The following MAOB variants were observed in gnomAD, a reference collection of about 807,000 sequenced individuals.
MAOB encodes amine oxidase [flavin-containing] B.
A neutral mutation model predicts 41.9 loss-of-function variants in MAOB; 15 were observed. That is an observed-to-expected ratio of 0.36 (90% CI 0.24 to 0.55). The LOEUF (loss-of-function observed/expected upper bound fraction) is 0.55, where lower values mean the gene tolerates loss of function less well. MAOB is among the 20% of genes least tolerant of loss of function. MAOB has a pLI of 0.86. For missense variants in MAOB, 345 were observed against 398.7 expected (o/e 0.87, Z 1.15); for synonymous variants, 167 against 144.2 (o/e 1.16, Z -1.13).
Position 43,808,697 on chromosome X carries a change from T to TAC in MAOB, c.280-5294_280-5293insGT, listed in dbSNP as rs781415914. On this transcript the variant is annotated intron_variant, in intron 3 of 14. Coordinates refer to ENST00000378069, the MANE Select transcript of MAOB (RefSeq NM_000898.5). ...CTATATCTATATCTATATCTACACA[T>TAC]AGACACACACACACACACACACACA... Among the ~76,000 whole-genome samples the TAC allele has an allele frequency of 8.7e-4, 80 of 91,475 alleles. 1 individual carries two copies. Among genetic ancestry groups the TAC allele is most frequent in the Non-Finnish European group, 1.5e-3 (70 of 46,139 alleles). The allele number at this position is 91,475 out of a possible 115,157, so 79.4% of individuals were successfully genotyped here.
intron 12 of MAOB, among the ~76,000 whole-genome samples, chrX:43,774,588 T>C (rs930208431): frequency 1.5e-4 from 17 of 112,134 alleles, no homozygotes; most frequent in African/African-American, 5.5e-4. Flanking sequence ...CTGTTTGGCA[T>C]GACAAAGTTT....
At chrX:43,838,083 CTGTT>C (rs1188210221) in intron 3 of MAOB, 4 of 278,774 alleles carry the variant, frequency 1.4e-5, no homozygotes, top group Admixed American at 7.0e-5. Flanking sequence ...CAGTTCTAAT[CTGTT>C]TGTATTTCTG....
At chrX:43,778,338 A>G (rs2034286205) in intron 11 of MAOB, among the ~76,000 whole-genome samples, 1 of 110,882 alleles carries the variant, frequency 9.0e-6, no homozygotes, top group Non-Finnish European at 1.9e-5. Context: ...AGGATCTAGG[A>G]TCTTCCTATG....
intron 10 of MAOB, among the ~76,000 whole-genome samples, chrX:43,779,186 GAAAT>G (rs1172567789): frequency 9.0e-6 from 1 of 111,682 alleles, no homozygotes; most frequent in African/African-American, 3.3e-5. Flanking sequence ...AAAGAGCAAA[GAAAT>G]AAGTACAGAA....
intron 1 of MAOB, among the ~76,000 whole-genome samples, chrX:43,868,970 G>A (rs1191439079): frequency 3.6e-5 from 4 of 111,037 alleles, no homozygotes; most frequent in African/African-American, 9.9e-5. Context: ...TGATAGCCTC[G>A]TAGCAGACAG....
intron 3 of MAOB, among the ~76,000 whole-genome samples, chrX:43,804,099 TAAG>T (rs940704208): frequency 7.2e-5 from 8 of 111,270 alleles, no homozygotes; most frequent in African/African-American, 2.6e-4. Flanking sequence ...TGATGGCACT[TAAG>T]AGACACGCAA....
At chrX:43,857,167 GA>G (rs1298113298) in intron 1 of MAOB, among the ~76,000 whole-genome samples, 340 of 27,056 alleles carry the variant, frequency 0.013, 2 homozygotes, top group African/African-American at 0.048. Flanking sequence ...AGAGAGAGAA[GA>G]AGAGAGAGAG....
chrX:43,822,909 T>G lies in MAOB; in HGVS notation c.279+15959A>C, dbSNP rs760783429. 5.4e-5 allele frequency among the ~76,000 whole-genome samples: 6 copies of G among 111,335 alleles called. No individual in the cohort carries two copies. In the East Asian group the frequency reaches 1.7e-3, roughly 31 times the overall value. Reference sequence around the variant, plus strand: ...ACCATCACCATCATCATCATCATCATGGTTAACACTTTTTTCACATTTGCT... The same window carrying G: ...ACCATCACCATCATCATCATCATCAGGGTTAACACTTTTTTCACATTTGCT... On this transcript the variant is annotated intron_variant, in intron 3 of 14. Coordinates refer to ENST00000378069, the MANE Select transcript of MAOB (RefSeq NM_000898.5).
chrX:43,803,086 A>G (rs2034616653), intron 4 of MAOB, among the ~76,000 whole-genome samples: 6 of 111,666 alleles, frequency 5.4e-5, no homozygotes, highest in Admixed American at 9.5e-5. Flanking sequence ...GTGACACCCA[A>G]TCTCCTGCCC....
At chrX:43,813,258 T>C (rs140600593) in intron 3 of MAOB, among the ~76,000 whole-genome samples, 1,687 of 111,951 alleles carry the variant, frequency 0.015, 30 homozygotes, top group African/African-American at 0.052. Context: ...TTTAAGTTAA[T>C]TCATTTAATC....
In MAOB at chrX:43,772,688, CA is replaced by C. The variant is rs775418454; in HGVS notation, c.1235+2486del. ...TAATATTTTGATATTTGTCCCTGCC[CA>C]AATCTCATGTAGAATTGTAATTTCC... On this transcript the variant is annotated intron_variant, in intron 12 of 14. Coordinates refer to ENST00000378069, the MANE Select transcript of MAOB (RefSeq NM_000898.5). Among the ~76,000 whole-genome samples the C allele has an allele frequency of 2.7e-5, 3 of 111,824 alleles. No homozygotes were observed. The Admixed American group carries it at 2.8e-4, about 11-fold the overall frequency.
intron 3 of MAOB, among the ~76,000 whole-genome samples, chrX:43,829,115 C>T (rs1010282640): frequency 9.0e-6 from 1 of 111,702 alleles, no homozygotes; most frequent in African/African-American, 3.3e-5. Context: ...TTAACATTTG[C>T]CAACTTTAAA....
At chrX:43,816,729 G>A (rs903478390) in intron 3 of MAOB, among the ~76,000 whole-genome samples, 6 of 111,984 alleles carry the variant, frequency 5.4e-5, no homozygotes, top group Non-Finnish European at 9.4e-5. Flanking sequence ...TTGCTGTAGT[G>A]ACTGACTTCC....
rs372743304 is a variant in MAOB at position 43,826,779 on chromosome X, T to C, written c.279+12089A>G. Among the ~76,000 whole-genome samples, 8 of 111,093 alleles carry C rather than the reference T, an allele frequency of 7.2e-5. No homozygotes were observed. The East Asian group carries it at 1.4e-3, about 20-fold the overall frequency. ...TGACAGACCCACTCCCACAATTAAC[T>C]AACCCACTCCTGCAATAACAGCAAC... On this transcript the variant is annotated intron_variant, in intron 3 of 14. Coordinates refer to ENST00000378069, the MANE Select transcript of MAOB (RefSeq NM_000898.5).
At chrX:43,826,377 C>A (rs976597774) in intron 3 of MAOB, among the ~76,000 whole-genome samples, 1 of 111,886 alleles carries the variant, frequency 8.9e-6, no homozygotes, top group African/African-American at 3.3e-5. Flanking sequence ...AAGGGACAGG[C>A]TCACATACGG....
At chrX:43,847,973 C>T (rs1009636383) in intron 1 of MAOB, among the ~76,000 whole-genome samples, 2 of 112,568 alleles carry the variant, frequency 1.8e-5, no homozygotes, top group African/African-American at 6.5e-5. Flanking sequence ...TATTGCATCT[C>T]TCTTCTGAGA....
At chrX:43,836,164 C>G (rs1241286733) in intron 3 of MAOB, among the ~76,000 whole-genome samples, 1 of 112,021 alleles carries the variant, frequency 8.9e-6, no homozygotes, top group Non-Finnish European at 1.9e-5. Context: ...GTACTGCTTT[C>G]CATGACACAG....
At chrX:43,851,323 G>T (rs1318217354) in intron 1 of MAOB, among the ~76,000 whole-genome samples, 1 of 111,536 alleles carries the variant, frequency 9.0e-6, no homozygotes, top group African/African-American at 3.3e-5. Context: ...ATGATGCCAT[G>T]ATCATTTCCT....
At chrX:43,861,857 G>A (rs996314029) in intron 1 of MAOB, among the ~76,000 whole-genome samples, 1 of 83,669 alleles carries the variant, frequency 1.2e-5, no homozygotes, top group Non-Finnish European at 2.2e-5. Flanking sequence ...CAGCTGAAAC[G>A]TGTGTGTGTG....
Sources: allele counts gnomAD v4.1 joint callset (sites outside exome capture counted in the v4.1 genomes callset), GRCh38; gene constraint gnomAD v4.1.1; transcripts MANE v1.5; gene names NCBI Gene and HGNC (gene_info 2026-07-23, HGNC 2026-07-21).